Variants in MFSD2B observed in about 807,000 individuals in gnomAD.
The protein encoded by MFSD2B is sphingosine-1-phosphate transporter MFSD2B.
A neutral mutation model predicts 58.4 loss-of-function variants in MFSD2B; 56 were observed. That is an observed-to-expected ratio of 0.96 (90% CI 0.77 to 1.20). The LOEUF is 1.20. Ranked by LOEUF, MFSD2B falls within the 50% of genes most tolerant of loss-of-function variation. The probability of loss-of-function intolerance (pLI) is 0.00; values close to 1 mark genes in which losing one functional copy is unlikely to be tolerated. For synonymous variants in MFSD2B, 287 were observed against 294.4 expected (o/e 0.97, Z 0.26); for missense variants, 645 against 667.6 (o/e 0.97, Z 0.37).
Position 24,024,426 on chromosome 2 carries a change from C to T in MFSD2B, c.1490+155C>T, listed in dbSNP as rs1409687331. 2 of 762,428 alleles carry T rather than the reference C, an allele frequency of 2.6e-6. No homozygotes were observed. The highest frequency in any genetic ancestry group is 4.1e-6 in the Non-Finnish European group (2 of 483,926). 47.2% of individuals were successfully genotyped at this position (762,428 alleles called of 1,614,324 possible). A position where few individuals can be genotyped will look rare whatever the true frequency, so the allele number is the denominator to read the frequency against. ...GGGTCACCCTTTTCTCCTGGATTTTCTTCTCCCACTCTGGCCACCCCTTCT... is the reference window on the plus strand; with the variant it reads ...GGGTCACCCTTTTCTCCTGGATTTTTTTCTCCCACTCTGGCCACCCCTTCT... On this transcript the variant is annotated intron_variant, in intron 13 of 13. Coordinates refer to ENST00000338315, the MANE Select transcript of MFSD2B (RefSeq NM_001346880.2). The surrounding 1 kb of genome is among the most constrained non-coding windows in gnomAD (Gnocchi z 4.3).
At chr2:24,016,807 G>A (rs1256571910) in intron 3 of MFSD2B, 38 bp from the exon 4 acceptor site, 2 of 1,608,244 alleles carry the variant, frequency 1.2e-6, no homozygotes, top group Non-Finnish European at 1.7e-6. Flanking sequence ...CCCCTGTCTG[G>A]GTCGGGGGGC....
chr2:24,015,611 T>G (rs948910099), intron 2 of MFSD2B, among the ~76,000 whole-genome samples: 2 of 152,256 alleles, frequency 1.3e-5, no homozygotes, highest in Non-Finnish European at 2.9e-5. Context: ...TGTCTTGGGA[T>G]GCTGCGATTT....
chr2:24,023,567 C>A lies in MFSD2B; in HGVS notation c.1170-16C>A. The A allele has an allele frequency of 6.2e-7, 1 of 1,610,870 alleles. No individual in the cohort carries two copies. The highest frequency in any genetic ancestry group is 8.5e-7 in the Non-Finnish European group (1 of 1,178,506). On this transcript the variant is annotated splice_polypyrimidine_tract_variant and intron_variant, in intron 11 of 13. Coordinates refer to ENST00000338315, the MANE Select transcript of MFSD2B (RefSeq NM_001346880.2). The surrounding 1 kb of genome is among the most constrained non-coding windows in gnomAD (Gnocchi z 5.0). ...GCCAAGGGGCTAGGAGGGCTAACTC[C>A]ACACCCCCGCCGCAGGTCCATGCTG...
At chr2:24,018,448 C>A (rs1175433437) in intron 6 of MFSD2B, 2 of 181,648 alleles carry the variant, frequency 1.1e-5, no homozygotes, top group Non-Finnish European at 2.4e-5. Flanking sequence ...TGCCCACGAT[C>A]CCCTCCCCCA....
chr2:24,024,054 T>C lies in MFSD2B; in HGVS notation c.1314-41T>C. 5.0e-6 allele frequency: 8 copies of C among 1,602,988 alleles called. No homozygotes were observed. Among genetic ancestry groups the C allele is most frequent in the Non-Finnish European group, 6.8e-6 (8 of 1,173,096 alleles). On this transcript the variant is annotated intron_variant, in intron 12 of 13. Transcript: ENST00000338315. This position sits in a 1 kb window ranked among gnomAD's most constrained non-coding sequence, Gnocchi z 4.3. ...AGTCCCTCCACCCAGGGTGCCAGGC[T>C]CAGCAGGCCCTGCCCTAATGGCTGG... is the stretch of plus-strand genomic sequence containing the variant.
Position 24,013,191 on chromosome 2 carries a change from T to G in MFSD2B, c.97-94T>G, listed in dbSNP as rs1709015761. 2.3e-6 allele frequency: 3 copies of G among 1,328,518 alleles called. No individual in the cohort carries two copies. In the East Asian group the frequency reaches 7.2e-5, roughly 32 times the overall value. The allele number at this position is 1,328,518 out of a possible 1,614,324, so 82.3% of individuals were successfully genotyped here. A position where few individuals can be genotyped will look rare whatever the true frequency, so the allele number is the denominator to read the frequency against. On this transcript the variant is annotated intron_variant, in intron 1 of 13. Transcript: ENST00000338315. ...GGTTGCTGGAAAAGCCCTGAAGACA[T>G]CACAGAGACTCAGGATGTTTACTGA...
chr2:24,021,620 C>A lies in MFSD2B; in HGVS notation c.682-28C>A. On this transcript the variant is annotated intron_variant, in intron 6 of 13. Coordinates refer to ENST00000338315, the MANE Select transcript of MFSD2B (RefSeq NM_001346880.2). This position sits in a 1 kb window ranked among gnomAD's most constrained non-coding sequence, Gnocchi z 5.7. ...CCACCTCCAGGGGTTGAAGACATCA[C>A]CCATCCCAGTCCTGTCCTGTCCCAC... The A allele has an allele frequency of 1.3e-6, 2 of 1,591,206 alleles. No individual in the cohort carries two copies. The highest frequency in any genetic ancestry group is 1.7e-6 in the Non-Finnish European group (2 of 1,165,262).
In MFSD2B at chr2:24,023,052, G is replaced by A. The variant is rs548905923; in HGVS notation, c.1060-78G>A. 1.6e-5 allele frequency: 22 copies of A among 1,376,828 alleles called. No individual in the cohort carries two copies. The highest frequency in any genetic ancestry group is 5.7e-5 in the African/African-American group (4 of 70,478). 85.3% of individuals were successfully genotyped at this position (1,376,828 alleles called of 1,614,324 possible). On this transcript the variant is annotated intron_variant, in intron 10 of 13. Transcript: ENST00000338315. This position sits in a 1 kb window ranked among gnomAD's most constrained non-coding sequence, Gnocchi z 5.0. The stretch of plus-strand genomic sequence containing the variant: ...TAGCACAGGGCAAGGCATGGGGGTC[G>A]TCAGTCGAGTCGTGTGTGAAGGAGC...
chr2:24,025,224 C>A (rs1404039905), intron 13 of MFSD2B, among the ~76,000 whole-genome samples: 1 of 152,194 alleles, frequency 6.6e-6, no homozygotes, highest in Non-Finnish European at 1.5e-5. Context: ...GCTTCCCAGT[C>A]AGGGAAGGCC....
chr2:24,021,816 G>A lies in MFSD2B; in HGVS notation c.773-33G>A, dbSNP rs746748488. The A allele has an allele frequency of 3.7e-6, 6 of 1,613,508 alleles. No individual in the cohort carries two copies. The highest frequency in any genetic ancestry group is 1.7e-6 in the Non-Finnish European group (2 of 1,179,562). On this transcript the variant is annotated intron_variant, in intron 7 of 13. Coordinates refer to ENST00000338315, the MANE Select transcript of MFSD2B (RefSeq NM_001346880.2). The surrounding 1 kb of genome is among the most constrained non-coding windows in gnomAD (Gnocchi z 5.7). ...GGGGCAGGTTTTGCTTTTGAACTCT[G>A]CGAAGCCAAGGTGACACGCTTCTGC...
intron 6 of MFSD2B, among the ~76,000 whole-genome samples, chr2:24,019,450 C>A (rs966874840): frequency 2.0e-5 from 3 of 152,024 alleles, no homozygotes; most frequent in African/African-American, 7.2e-5. Context: ...CAGCCAGGTG[C>A]GGTGGCTCAC....
chr2:24,010,740 G>A (rs879766206), intron 1 of MFSD2B, among the ~76,000 whole-genome samples: 3 of 152,184 alleles, frequency 2.0e-5, no homozygotes, highest in Non-Finnish European at 4.4e-5. Flanking sequence ...CCGCCGGGCC[G>A]TGCTGGCCAG....
At position 24,024,379 on chromosome 2, in the gene MFSD2B, T is replaced by C; in HGVS notation, c.1490+108T>C. ...CTGCTGTGTCACACAGTCCTGCCTC[T>C]GGGACCTCTTTCCTTAGCTCAGGGT... On this transcript the variant is annotated intron_variant, in intron 13 of 13. Coordinates refer to ENST00000338315, the MANE Select transcript of MFSD2B (RefSeq NM_001346880.2). The surrounding 1 kb of genome is among the most constrained non-coding windows in gnomAD (Gnocchi z 4.3). The C allele has an allele frequency of 8.5e-7, 1 of 1,170,996 alleles. No individual in the cohort carries two copies. Among genetic ancestry groups the C allele is most frequent in the Non-Finnish European group, 1.2e-6 (1 of 842,518 alleles). 72.5% of individuals were successfully genotyped at this position (1,170,996 alleles called of 1,614,324 possible).
chr2:24,016,982 C>T lies in MFSD2B; in HGVS notation c.471+14C>T. On this transcript the variant is annotated intron_variant, in intron 4 of 13. Transcript: ENST00000338315. ...GCCCTGGCCACGGTAAGCAGGGCCC[C>T]TTCCTGGGCCTGTGCTCTGGCGAAG... 6.2e-7 allele frequency: 1 copy of T among 1,613,258 alleles called. No individual in the cohort carries two copies. Among genetic ancestry groups the T allele is most frequent in the Non-Finnish European group, 8.5e-7 (1 of 1,179,824 alleles).
chr2:24,017,679 A>C lies in MFSD2B; in HGVS notation c.681+91A>C. On this transcript the variant is annotated intron_variant, in intron 6 of 13. Coordinates refer to ENST00000338315, the MANE Select transcript of MFSD2B (RefSeq NM_001346880.2). The surrounding 1 kb of genome is among the most constrained non-coding windows in gnomAD (Gnocchi z 4.8). ...TAGGGCTGGTTCTCCCGTCCACACC[A>C]CTTTGTTGTCTTTTAGGGGGCTCAC... 7.3e-7 allele frequency: 1 copy of C among 1,371,938 alleles called. No homozygotes were observed. Among genetic ancestry groups the C allele is most frequent in the East Asian group, 2.5e-5 (1 of 39,450 alleles). 85.0% of individuals were successfully genotyped at this position (1,371,938 alleles called of 1,614,324 possible).
chr2:24,026,014 A>G lies in MFSD2B; in HGVS notation c.*558A>G, dbSNP rs1434178597. The G allele has an allele frequency of 1.3e-5, 2 of 153,044 alleles. No homozygotes were observed. Among genetic ancestry groups the G allele is most frequent in the Non-Finnish European group, 2.9e-5 (2 of 68,662 alleles). The allele number at this position is 153,044 out of a possible 1,614,324, so 9.5% of individuals were successfully genotyped here. ...ATGAGCCACCGTACTCGGCCTGCCCAGGCTGGTCTTAAACTCCTGGCCTCA... is the reference window on the plus strand; with the variant it reads ...ATGAGCCACCGTACTCGGCCTGCCCGGGCTGGTCTTAAACTCCTGGCCTCA... On this transcript the variant is annotated 3_prime_UTR_variant, in exon 14 of 14. Transcript: ENST00000338315.
At position 24,010,195 on chromosome 2, in the gene MFSD2B, G is replaced by C. The variant is rs891603491; in HGVS notation, c.96+3G>C. The C allele has an allele frequency of 2.1e-6, 3 of 1,403,002 alleles. No individual in the cohort carries two copies. Among genetic ancestry groups the C allele is most frequent in the Admixed American group, 3.2e-5 (1 of 31,696 alleles). The allele number at this position is 1,403,002 out of a possible 1,614,324, so 86.9% of individuals were successfully genotyped here. A position where few individuals can be genotyped will look rare whatever the true frequency, so the allele number is the denominator to read the frequency against. ...GGAGCGCCAAGCGAGGGCGAGAGGTGAGCGGGGCGGCGGGGACCGGGAAGG... is the reference window on the plus strand; with the variant it reads ...GGAGCGCCAAGCGAGGGCGAGAGGTCAGCGGGGCGGCGGGGACCGGGAAGG... On this transcript the variant is annotated splice_donor_region_variant and intron_variant, in intron 1 of 13. Transcript: ENST00000338315.
Position 24,021,677 on chromosome 2 carries a change from G to T in MFSD2B, c.711G>T (p.Val237=), listed in dbSNP as rs1281236750. The change falls in exon 7 of 14, where the codon GTG becomes GTT. Residue 237 remains valine, a synonymous_variant. Coordinates refer to ENST00000338315, the MANE Select transcript of MFSD2B (RefSeq NM_001346880.2). This position sits in a 1 kb window ranked among gnomAD's most constrained non-coding sequence, Gnocchi z 5.7. Reference sequence around the variant, plus strand: ...ATCTCTACTGCATTGCGGCTGCCGTGGTTGTAGTGACTTACCCCGTGTGCA... The same window carrying T: ...ATCTCTACTGCATTGCGGCTGCCGTTGTTGTAGTGACTTACCCCGTGTGCA... ...AAHLYCIAAA[V]VVVTYPVCIS... 1 of 1,613,472 alleles carries T rather than the reference G, an allele frequency of 6.2e-7. No homozygotes were observed. Among genetic ancestry groups the T allele is most frequent in the African/African-American group, 1.3e-5 (1 of 75,048 alleles).
chr2:24,011,496 C>G (rs1014124438), intron 1 of MFSD2B, among the ~76,000 whole-genome samples: 2 of 152,084 alleles, frequency 1.3e-5, no homozygotes, highest in African/African-American at 4.8e-5. Context: ...GTGTGATAAA[C>G]CCTTATCTGG....
Sources: allele counts gnomAD v4.1 joint callset (sites outside exome capture counted in the v4.1 genomes callset), GRCh38; gene constraint gnomAD v4.1.1; non-coding constraint Gnocchi (gnomAD v3.1); transcripts MANE v1.5; gene names NCBI Gene and HGNC (gene_info 2026-07-23, HGNC 2026-07-21).